The following COL23A1 variants were observed in gnomAD, a reference collection of about 807,000 sequenced individuals.
COL23A1 encodes collagen type XXIII alpha 1 chain.
A neutral mutation model predicts 99.3 loss-of-function variants in COL23A1; 97 were observed. The ratio of observed to expected loss-of-function variants is 0.98; its 90% confidence interval spans 0.83 to 1.16. The LOEUF (loss-of-function observed/expected upper bound fraction) is 1.16. Ranked by LOEUF, COL23A1 falls within the 50% of genes most tolerant of loss-of-function variation. The pLI, the probability that COL23A1 is intolerant of heterozygous loss-of-function variation, is 0.00. For missense variants in COL23A1, 762 were observed against 757.4 expected (o/e 1.01, Z -0.07); for synonymous variants, 320 against 308.2 (o/e 1.04, Z -0.40).
chr5:178,284,409 A>G (rs781269589), intron 5 of COL23A1, among the ~76,000 whole-genome samples: 4 of 152,238 alleles, frequency 2.6e-5, no homozygotes, highest in Admixed American at 6.5e-5. Flanking sequence ...TAAAAGTGTA[A>G]TACCCACAGT....
chr5:178,555,160 G>C (rs1473280827), intron 2 of COL23A1, among the ~76,000 whole-genome samples: 10 of 152,134 alleles, frequency 6.6e-5, no homozygotes, highest in Admixed American at 2.0e-4. Context: ...GGGTCTACGT[G>C]TCCAAATCTC....
Position 178,309,929 on chromosome 5 carries a change from G to A in COL23A1, c.362-3010C>T, listed in dbSNP as rs1758577601. Among the ~76,000 whole-genome samples, 2 of 88,582 alleles carry A rather than the reference G, an allele frequency of 2.3e-5. No homozygotes were observed. Among genetic ancestry groups the A allele is most frequent in the South Asian group, 5.6e-4 (2 of 3,554 alleles). 58.1% of individuals were successfully genotyped at this position (88,582 alleles called of 152,430 possible). On this transcript the variant is annotated intron_variant, in intron 2 of 28. Coordinates refer to ENST00000390654, the MANE Select transcript of COL23A1 (RefSeq NM_173465.4). The surrounding 1 kb of genome is among the most constrained non-coding windows in gnomAD (Gnocchi z 4.7). ...ACACGACCAAGTGATGTGTGTTCAG[G>A]GGAGGAAGGGCGGGGGGGAGAGGGA...
chr5:178,459,851 T>C (rs1195743348), intron 2 of COL23A1, among the ~76,000 whole-genome samples: 1 of 152,152 alleles, frequency 6.6e-6, no homozygotes, highest in Non-Finnish European at 1.5e-5. Flanking sequence ...GTTCATGATA[T>C]GGCCAGGATG....
intron 12 of COL23A1, among the ~76,000 whole-genome samples, chr5:178,258,518 C>A (rs1434592553): frequency 2.0e-5 from 3 of 147,920 alleles, no homozygotes. Context: ...GTCTCAGCAT[C>A]CCAAGTAGCT....
At chr5:178,325,683 C>T (rs1759611322) in intron 2 of COL23A1, among the ~76,000 whole-genome samples, 2 of 152,194 alleles carry the variant, frequency 1.3e-5, no homozygotes, top group African/African-American at 2.4e-5. Flanking sequence ...AAAGCTGGGA[C>T]CGTGTTGGCT....
intron 2 of COL23A1, among the ~76,000 whole-genome samples, chr5:178,535,263 C>T (rs56243219): frequency 0.36 from 55,237 of 152,106 alleles, 11,602 homozygotes; most frequent in Non-Finnish European, 0.48. Flanking sequence ...CGTGAGCCAC[C>T]GTGCCCAGCC....
In COL23A1 at chr5:178,286,845, CG is replaced by C. The variant is rs1561827200; in HGVS notation, c.441+1478del. Among the ~76,000 whole-genome samples, 8 of 152,144 alleles carry C rather than the reference CG, an allele frequency of 5.3e-5. 1 individual carries two copies. Among genetic ancestry groups the C allele is most frequent in the African/African-American group, 1.4e-4 (6 of 41,436 alleles). On this transcript the variant is annotated intron_variant, in intron 5 of 28. Transcript: ENST00000390654. ...GAGGCTGGTGGGGAACGGACCGGAC[CG>C]CTGGGTCACTTTGCTCAGAGGAAAC...
chr5:178,394,664 A>G (rs2973741), intron 2 of COL23A1, among the ~76,000 whole-genome samples: 62,253 of 151,998 alleles, frequency 0.41, 13,163 homozygotes, highest in East Asian at 0.54. Context: ...GTCCACCCTG[A>G]CACGCAGAGG....
chr5:178,437,226 C>T (rs991945972), intron 2 of COL23A1, among the ~76,000 whole-genome samples: 1 of 152,194 alleles, frequency 6.6e-6, no homozygotes, highest in Non-Finnish European at 1.5e-5. Flanking sequence ...ACATACAATA[C>T]ACAGCCCACA....
At position 178,340,694 on chromosome 5, in the gene COL23A1, G is replaced by A. The variant is rs1760602720; in HGVS notation, c.362-33775C>T. Among the ~76,000 whole-genome samples the A allele has an allele frequency of 6.6e-6, 1 of 152,210 alleles. No individual in the cohort carries two copies. Among genetic ancestry groups the A allele is most frequent in the African/African-American group, 2.4e-5 (1 of 41,468 alleles). Reference sequence around the variant, plus strand: ...TGGCTGATGGCAAACTGGACACCGGGGATTCTAGTCCTCGGCCCTCCCAGG... The same window carrying A: ...TGGCTGATGGCAAACTGGACACCGGAGATTCTAGTCCTCGGCCCTCCCAGG... On this transcript the variant is annotated intron_variant, in intron 2 of 28. Coordinates refer to ENST00000390654, the MANE Select transcript of COL23A1 (RefSeq NM_173465.4). The surrounding 1 kb of genome is among the most constrained non-coding windows in gnomAD (Gnocchi z 4.7).
At chr5:178,537,108 G>A (rs1201077868) in intron 2 of COL23A1, among the ~76,000 whole-genome samples, 1 of 152,246 alleles carries the variant, frequency 6.6e-6, no homozygotes, top group Admixed American at 6.5e-5. Context: ...CACAGCGGGT[G>A]ACATGATTTC....
intron 1 of COL23A1, among the ~76,000 whole-genome samples, chr5:178,578,628 T>C (rs908726427): frequency 6.6e-6 from 1 of 152,198 alleles, no homozygotes; most frequent in Admixed American, 6.5e-5. Context: ...TTTTAGAAGT[T>C]GCCATTACCC....
intron 2 of COL23A1, among the ~76,000 whole-genome samples, chr5:178,557,057 G>C (rs527646885): frequency 6.6e-6 from 1 of 152,238 alleles, no homozygotes; most frequent in Non-Finnish European, 1.5e-5. Flanking sequence ...CTAGGGGCAA[G>C]AAGTCCAAGG....
At chr5:178,322,969 C>T (rs1160595994) in intron 2 of COL23A1, among the ~76,000 whole-genome samples, 1 of 152,196 alleles carries the variant, frequency 6.6e-6, no homozygotes, top group Non-Finnish European at 1.5e-5. Flanking sequence ...CCTTGCAGAG[C>T]CAGTCTCCAT....
intron 2 of COL23A1, among the ~76,000 whole-genome samples, chr5:178,493,655 GA>G (rs1758051537): frequency 6.6e-6 from 1 of 152,262 alleles, no homozygotes; most frequent in African/African-American, 2.4e-5. Context: ...AAAGTTCAAG[GA>G]AAGAGTTTTC....
chr5:178,276,996 C>T (rs1180051887), intron 5 of COL23A1, among the ~76,000 whole-genome samples: 9 of 152,200 alleles, frequency 5.9e-5, no homozygotes, highest in Admixed American at 5.9e-4. Flanking sequence ...GCCCTCTGTG[C>T]TGCTCATCTG....
At chr5:178,566,815 CA>C (rs199785499) in intron 1 of COL23A1, among the ~76,000 whole-genome samples, 14 of 136,652 alleles carry the variant, frequency 1.0e-4, no homozygotes, top group Admixed American at 1.5e-4. Flanking sequence ...GACTCTGTCT[CA>C]AAAAAAAAAG....
At chr5:178,368,234 G>A (rs947841312) in intron 2 of COL23A1, among the ~76,000 whole-genome samples, 1 of 152,164 alleles carries the variant, frequency 6.6e-6, no homozygotes, top group Non-Finnish European at 1.5e-5. Flanking sequence ...TTAAGGGGGA[G>A]GAATACCATG....
rs555028228 is a variant in COL23A1 at position 178,307,925 on chromosome 5, G to T, written c.362-1006C>A. Among the ~76,000 whole-genome samples the T allele has an allele frequency of 6.6e-6, 1 of 152,308 alleles. No individual in the cohort carries two copies. The highest frequency in any genetic ancestry group is 6.5e-5 in the Admixed American group (1 of 15,302). ...AAAAGCCAACCTCAAACCCCGTCAA[G>T]AATTTCCAGAACAACCACGAAGGAG... On this transcript the variant is annotated intron_variant, in intron 2 of 28. Transcript: ENST00000390654. This position sits in a 1 kb window ranked among gnomAD's most constrained non-coding sequence, Gnocchi z 4.2.
Sources: gnomAD v4.1 joint callset for allele counts (sites outside exome capture counted in the v4.1 genomes callset) on GRCh38, gnomAD v4.1.1 for gene constraint, Gnocchi (gnomAD v3.1) non-coding constraint, MANE v1.5 for transcripts, NCBI Gene and HGNC (gene_info 2026-07-23, HGNC 2026-07-21) for gene names.